Variants in RNF19A observed in about 807,000 individuals in gnomAD.
The protein encoded by RNF19A is ring finger protein 19A, RBR E3 ubiquitin protein ligase.
A neutral mutation model predicts 75.7 loss-of-function variants in RNF19A; 32 were observed. That is an observed-to-expected ratio of 0.42 (90% CI 0.32 to 0.57). RNF19A has a LOEUF of 0.57. Among genes scored for constraint, RNF19A ranks in the 20% least tolerant of loss-of-function variants. The probability of loss-of-function intolerance (pLI) is 0.10; values close to 1 mark genes in which losing one functional copy is unlikely to be tolerated. For synonymous variants in RNF19A, 335 were observed against 345.2 expected (o/e 0.97, Z 0.33); for missense variants, 782 against 1,036.3 (o/e 0.75, Z 3.37).
rs759459756 is a variant in RNF19A, at chr8:100,269,818, T to C, written c.1028+51A>G. On this transcript the variant is annotated intron_variant, in intron 4 of 9. Coordinates refer to ENST00000341084, the MANE Select transcript of RNF19A (RefSeq NM_183419.4). The surrounding 1 kb of genome is among the most constrained non-coding windows in gnomAD (Gnocchi z 5.7). Reference sequence around the variant, plus strand: ...CAAATTTAAGACAAGTTATTTTGTCTTACAATATAAAATTACATTTACATA... The same window carrying C: ...CAAATTTAAGACAAGTTATTTTGTCCTACAATATAAAATTACATTTACATA... 1 of 1,404,420 alleles carries C rather than the reference T, an allele frequency of 7.1e-7. No homozygotes were observed. Among genetic ancestry groups the C allele is most frequent in the Admixed American group, 2.4e-5 (1 of 41,050 alleles). 87.0% of individuals were successfully genotyped at this position (1,404,420 alleles called of 1,614,324 possible).
chr8:100,280,109 T>C (rs774383536), intron 2 of RNF19A, among the ~76,000 whole-genome samples: 6 of 152,210 alleles, frequency 3.9e-5, no homozygotes, highest in Non-Finnish European at 7.4e-5. Context: ...ATACAGTGAA[T>C]TGGCCAGTCA....
intron 1 of RNF19A, among the ~76,000 whole-genome samples, chr8:100,295,657 T>G (rs1821520761): frequency 6.6e-6 from 1 of 152,212 alleles, no homozygotes; most frequent in South Asian, 2.1e-4. Flanking sequence ...CTATGTACAA[T>G]TTAATGTAGT....
intron 2 of RNF19A, among the ~76,000 whole-genome samples, chr8:100,286,042 T>C (rs541475216): frequency 5.3e-5 from 8 of 152,314 alleles, no homozygotes; most frequent in African/African-American, 1.7e-4. Flanking sequence ...AGAGTATAAC[T>C]TGCACATGTG....
chr8:100,292,472 G>A (rs191201776), intron 1 of RNF19A, among the ~76,000 whole-genome samples: 41 of 147,848 alleles, frequency 2.8e-4, no homozygotes, highest in African/African-American at 9.0e-4. Flanking sequence ...GTGTGTGTAC[G>A]TATAAATTGT....
chr8:100,264,639 T>C lies in RNF19A; in HGVS notation c.1306+32A>G, dbSNP rs199580684. The C allele has an allele frequency of 7.4e-7, 1 of 1,349,426 alleles. No homozygotes were observed. The allele number at this position is 1,349,426 out of a possible 1,614,324, so 83.6% of individuals were successfully genotyped here. The stretch of plus-strand genomic sequence containing the variant: ...ACAAAACTTTAACTCCATAAAATTG[T>C]AGGTAATTAGTACTTTTCAGCATTT... On this transcript the variant is annotated intron_variant, in intron 6 of 9. Coordinates refer to ENST00000341084, the MANE Select transcript of RNF19A (RefSeq NM_183419.4). The surrounding 1 kb of genome is among the most constrained non-coding windows in gnomAD (Gnocchi z 4.7).
chr8:100,334,971 C>T lies in RNF19A; in HGVS notation c.-243+1137G>A, dbSNP rs367899691. 5.3e-5 allele frequency among the ~76,000 whole-genome samples: 8 copies of T among 152,266 alleles called. No homozygotes were observed. The East Asian group carries it at 1.5e-3, about 29-fold the overall frequency. ...ACCAGCACTAGGGTTAAAATAAGCT[C>T]AGATCTCCCCAAACAATACCCTGTT... On this transcript the variant is annotated intron_variant, in intron 1 of 3. Transcript: ENST00000519527.
In RNF19A at chr8:100,275,658, T is replaced by TA. The variant is rs1820474090; in HGVS notation, c.675-498dup. ...TATTGTATGCACACAAAAAAAAGAC[T>TA]AGAAGGAAAAACACCAAAAATCTTA... is the stretch of plus-strand genomic sequence containing the variant. On this transcript the variant is annotated intron_variant, in intron 2 of 9. Coordinates refer to ENST00000341084, the MANE Select transcript of RNF19A (RefSeq NM_183419.4). The surrounding 1 kb of genome is among the most constrained non-coding windows in gnomAD (Gnocchi z 4.3). 6.6e-6 allele frequency among the ~76,000 whole-genome samples: 1 copy of TA among 152,146 alleles called. No individual in the cohort carries two copies. The highest frequency in any genetic ancestry group is 2.1e-4 in the South Asian group (1 of 4,834).
chr8:100,264,573 A>T lies in RNF19A; in HGVS notation c.1306+98T>A. 1 of 798,746 alleles carries T rather than the reference A, an allele frequency of 1.3e-6. No homozygotes were observed. The allele number at this position is 798,746 out of a possible 1,614,324, so 49.5% of individuals were successfully genotyped here. A position where few individuals can be genotyped will look rare whatever the true frequency, so the allele number is the denominator to read the frequency against. On this transcript the variant is annotated intron_variant, in intron 6 of 9. Transcript: ENST00000341084. This position sits in a 1 kb window ranked among gnomAD's most constrained non-coding sequence, Gnocchi z 4.7. ...CAAGACTTACTGCAGGCTCAATTTA[A>T]ATTGTCCTCAAATTAAAAAACAATT... is the stretch of plus-strand genomic sequence containing the variant.
intron 3 of RNF19A, among the ~76,000 whole-genome samples, chr8:100,273,657 T>A (rs938339464): frequency 6.6e-6 from 1 of 152,192 alleles, no homozygotes; most frequent in Non-Finnish European, 1.5e-5. Flanking sequence ...CATACTTAAA[T>A]CTCTAGAAAG....
In RNF19A at chr8:100,269,095, G is replaced by A. The variant is rs1263191259; in HGVS notation, c.1029-148C>T. ...TAAATTCTGAGTTCATTAAACTAAG[G>A]TAAGAACCACTATAAATTATATTAA... On this transcript the variant is annotated intron_variant, in intron 4 of 9. Coordinates refer to ENST00000341084, the MANE Select transcript of RNF19A (RefSeq NM_183419.4). This position sits in a 1 kb window ranked among gnomAD's most constrained non-coding sequence, Gnocchi z 5.7. The A allele has an allele frequency of 4.7e-6, 2 of 429,992 alleles. No individual in the cohort carries two copies. Among genetic ancestry groups the A allele is most frequent in the Non-Finnish European group, 8.1e-6 (2 of 246,466 alleles). The allele number at this position is 429,992 out of a possible 1,614,324, so 26.6% of individuals were successfully genotyped here. A position where few individuals can be genotyped will look rare whatever the true frequency, so the allele number is the denominator to read the frequency against.
In RNF19A at chr8:100,259,830, A is replaced by AT; in HGVS notation, c.1826+23dup. On this transcript the variant is annotated intron_variant, in intron 9 of 9. Coordinates refer to ENST00000341084, the MANE Select transcript of RNF19A (RefSeq NM_183419.4). The surrounding 1 kb of genome is among the most constrained non-coding windows in gnomAD (Gnocchi z 4.5). ...TCCTTTAATTTAAAAAATACTTTCA[A>AT]TTTTTTAACAGTTTTTTCCTTACTT... is the stretch of plus-strand genomic sequence containing the variant. The AT allele has an allele frequency of 1.9e-6, 3 of 1,590,818 alleles. No individual in the cohort carries two copies. The highest frequency in any genetic ancestry group is 2.7e-5 in the African/African-American group (2 of 74,028).
In RNF19A at chr8:100,261,714, C is replaced by G. The variant is rs767192609; in HGVS notation, c.1510G>C (p.Gly504Arg). The change falls in exon 8 of 10, where the codon GGG becomes CGG. Residue 504 changes from glycine (G) to arginine (R), a missense_variant. Transcript: ENST00000341084. The surrounding 1 kb of genome is among the most constrained non-coding windows in gnomAD (Gnocchi z 4.4). ...GTCAGCCCACCAACACTTCCCTCCCCTATGCTTGGGTTGTGTCTTGCTTCT... is the reference window on the plus strand; with the variant it reads ...GTCAGCCCACCAACACTTCCCTCCCGTATGCTTGGGTTGTGTCTTGCTTCT... ...VAEARHNPSI[G>R]EGSVGGLTGS... The G allele has an allele frequency of 6.2e-7, 1 of 1,614,162 alleles. No individual in the cohort carries two copies. The highest frequency in any genetic ancestry group is 1.7e-5 in the Admixed American group (1 of 60,018).
intron 1 of RNF19A, among the ~76,000 whole-genome samples, chr8:100,295,022 G>C (rs1821488328): frequency 6.6e-6 from 1 of 152,230 alleles, no homozygotes; most frequent in South Asian, 2.1e-4. Context: ...AGATACTCTT[G>C]TAAGTGCTGG....
At chr8:100,315,662 T>C (rs2130311841) in intron 1 of RNF19A, among the ~76,000 whole-genome samples, 1 of 152,294 alleles carries the variant, frequency 6.6e-6, no homozygotes, top group South Asian at 2.1e-4. Context: ...GTTGTTGTTG[T>C]TGTTGTTGAG....
Position 100,261,427 on chromosome 8 carries a change from G to A in RNF19A, c.1682+115C>T. On this transcript the variant is annotated intron_variant, in intron 8 of 9. Coordinates refer to ENST00000341084, the MANE Select transcript of RNF19A (RefSeq NM_183419.4). The surrounding 1 kb of genome is among the most constrained non-coding windows in gnomAD (Gnocchi z 4.4). Reference sequence around the variant, plus strand: ...ATTTCATTTTTAACATTACTATTTTGAACCTTGACATAGTAGGGTTATATA... The same window carrying A: ...ATTTCATTTTTAACATTACTATTTTAAACCTTGACATAGTAGGGTTATATA... 1.1e-6 allele frequency: 1 copy of A among 917,702 alleles called. No homozygotes were observed. The highest frequency in any genetic ancestry group is 3.4e-4 in the Middle Eastern group (1 of 2,954). 56.8% of individuals were successfully genotyped at this position (917,702 alleles called of 1,614,324 possible). A position where few individuals can be genotyped will look rare whatever the true frequency, so the allele number is the denominator to read the frequency against.
intron 1 of RNF19A, among the ~76,000 whole-genome samples, chr8:100,290,552 T>C (rs1343261039): frequency 6.6e-6 from 1 of 152,220 alleles, no homozygotes; most frequent in Non-Finnish European, 1.5e-5. Context: ...ATGTGTTCTC[T>C]GGAAAAACAT....
rs1819710284 is a variant in RNF19A, at chr8:100,261,469, T to C, written c.1682+73A>G. 1.6e-6 allele frequency: 2 copies of C among 1,240,344 alleles called. No individual in the cohort carries two copies. The highest frequency in any genetic ancestry group is 2.4e-6 in the Non-Finnish European group (2 of 846,298). The allele number at this position is 1,240,344 out of a possible 1,614,324, so 76.8% of individuals were successfully genotyped here. ...GGTTATATATAATCATCATGCTTTATGTTCAAAATTCTCACCTAATTAATA... is the reference window on the plus strand; with the variant it reads ...GGTTATATATAATCATCATGCTTTACGTTCAAAATTCTCACCTAATTAATA... On this transcript the variant is annotated intron_variant, in intron 8 of 9. Coordinates refer to ENST00000341084, the MANE Select transcript of RNF19A (RefSeq NM_183419.4). This position sits in a 1 kb window ranked among gnomAD's most constrained non-coding sequence, Gnocchi z 4.4.
intron 2 of RNF19A, among the ~76,000 whole-genome samples, chr8:100,280,906 G>A (rs1454619752): frequency 1.3e-5 from 2 of 152,182 alleles, no homozygotes; most frequent in East Asian, 3.8e-4. Context: ...GAAGCAAATG[G>A]TAAAAGTAAA....
rs1054052397 is a variant in RNF19A at position 100,323,917 on chromosome 8, T to C, written c.-242-10545A>G. ...CAAAGAAAGTAAGATTTTTAAATGG[T>C]TGGATAACTCAGCAAGGGAGAAAAA... On this transcript the variant is annotated intron_variant, in intron 1 of 3. Transcript: ENST00000519527. This position sits in a 1 kb window ranked among gnomAD's most constrained non-coding sequence, Gnocchi z 4.6. Among the ~76,000 whole-genome samples, 2 of 152,188 alleles carry C rather than the reference T, an allele frequency of 1.3e-5. No individual in the cohort carries two copies. The highest frequency in any genetic ancestry group is 2.4e-5 in the African/African-American group (1 of 41,448).
Sources: allele counts gnomAD v4.1 joint callset (sites outside exome capture counted in the v4.1 genomes callset), GRCh38; gene constraint gnomAD v4.1.1; non-coding constraint Gnocchi (gnomAD v3.1); transcripts MANE v1.5; gene names NCBI Gene and HGNC (gene_info 2026-07-23, HGNC 2026-07-21).